Variants in TET2 observed in about 807,000 individuals in gnomAD.
The protein encoded by TET2 is methylcytosine dioxygenase TET2.
TET2 carries 299 observed loss-of-function variants against 142.9 expected under a neutral mutation model. The observed-to-expected ratio is 2.09, with a 90% CI of 1.90 to 2.30. The LOEUF is 2.30. TET2 is among the 30% of genes most tolerant of loss of function. TET2 has a pLI of 0.00. For synonymous variants in TET2, 819 were observed against 849.0 expected, an observed-to-expected ratio of 0.96 and a Z score of 0.61; for missense variants, 2,418 against 2,378.0, an observed-to-expected ratio of 1.02 and a Z score of -0.35.
intron 2 of TET2, among the ~76,000 whole-genome samples, chr4:105,219,468 C>T (rs1478613310): frequency 6.6e-6 from 1 of 152,036 alleles, no homozygotes. Flanking sequence ...CAGTACAGTA[C>T]ATAATTGCCA....
At chr4:105,252,344 A>G (rs1309066405) in intron 6 of TET2, among the ~76,000 whole-genome samples, 3 of 152,208 alleles carry the variant, frequency 2.0e-5, no homozygotes, top group Admixed American at 2.0e-4. Context: ...CCACCATGTC[A>G]TGATCGTTCA....
At chr4:105,221,876 C>A (rs865985848) in intron 2 of TET2, among the ~76,000 whole-genome samples, 10 of 150,884 alleles carry the variant, frequency 6.6e-5, no homozygotes, top group Admixed American at 2.6e-4. Context: ...CCCCCCACCC[C>A]ACAACAGTCC....
Position 105,236,358 on chromosome 4 carries a change from C to T in TET2, c.2416C>T (p.Leu806=), listed in dbSNP as rs1728908479. 1 of 1,613,966 alleles carries T rather than the reference C, an allele frequency of 6.2e-7. No homozygotes were observed. The highest frequency in any genetic ancestry group is 1.1e-5 in the South Asian group (1 of 91,086). Reference sequence around the variant, plus strand: ...CGAGACTCATAATGTCCAAATGGGACTGGAGGAAGTACAGAATATAAATCG... The same window carrying T: ...CGAGACTCATAATGTCCAAATGGGATTGGAGGAAGTACAGAATATAAATCG... ...EFETHNVQMG[L]EEVQNINRRN... The change falls in exon 3 of 11, where the codon CTG becomes TTG. Residue 806 remains leucine, a synonymous_variant. Transcript: ENST00000380013.
Position 105,236,244 on chromosome 4 carries a change from G to A in TET2, c.2302G>A (p.Asp768Asn), listed in dbSNP as rs1396808968. The A allele has an allele frequency of 1.2e-6, 2 of 1,613,950 alleles. No homozygotes were observed. The highest frequency in any genetic ancestry group is 1.3e-5 in the African/African-American group (1 of 74,914). The change falls in exon 3 of 11, where the codon GAT becomes AAT. Residue 768 changes from aspartate to asparagine, a missense_variant. By Grantham distance (23) the Asp-to-Asn change is conservative (BLOSUM62 1). Coordinates refer to ENST00000380013, the MANE Select transcript of TET2 (RefSeq NM_001127208.3). ...TTTTCCTCACCCCCAAAGCAACAATGATCAGCAAAGAGAAGGATCATTCTT... is the reference window on the plus strand; with the variant it reads ...TTTTCCTCACCCCCAAAGCAACAATAATCAGCAAAGAGAAGGATCATTCTT... ...QTFPHPQSNN[D>N]QQREGSFFGQ...
intron 1 of TET2, among the ~76,000 whole-genome samples, chr4:105,188,958 C>T (rs1021579437): frequency 7.2e-5 from 11 of 152,010 alleles, no homozygotes; most frequent in Admixed American, 5.9e-4. Context: ...GTGAGAGTGG[C>T]ATAATTTTTT....
intron 8 of TET2, 53 bp from the exon 9 acceptor site, chr4:105,269,557 G>T (rs891399426): frequency 6.5e-7 from 1 of 1,536,386 alleles, no homozygotes; most frequent in African/African-American, 1.4e-5. Context: ...TGAGTTTTCG[G>T]TGTAAGAGTA....
intron 1 of TET2, among the ~76,000 whole-genome samples, chr4:105,162,816 C>T (rs896376504): frequency 7.9e-5 from 12 of 152,108 alleles, no homozygotes; most frequent in Non-Finnish European, 1.5e-4. Flanking sequence ...TTGTATAGAA[C>T]TATTTTGCTT....
intron 1 of TET2, among the ~76,000 whole-genome samples, chr4:105,189,151 A>T (rs1725635925): frequency 6.6e-6 from 1 of 152,096 alleles, no homozygotes; most frequent in African/African-American, 2.4e-5. Context: ...AGAAAAAATT[A>T]AGAGACCTCC....
intron 2 of TET2, among the ~76,000 whole-genome samples, chr4:105,230,137 G>A (rs1039392709): frequency 2.6e-5 from 4 of 152,082 alleles, no homozygotes; most frequent in Admixed American, 1.3e-4. Flanking sequence ...CACCTCCTGG[G>A]TTCAGGTGAT....
intron 2 of TET2, among the ~76,000 whole-genome samples, chr4:105,191,668 T>A (rs929432457): frequency 1.3e-5 from 2 of 152,182 alleles, no homozygotes; most frequent in African/African-American, 4.8e-5. Context: ...ACTCTGCCAC[T>A]TGATACTTCT....
intron 2 of TET2, among the ~76,000 whole-genome samples, chr4:105,221,738 A>G (rs1359946141): frequency 1.3e-5 from 2 of 151,138 alleles, no homozygotes; most frequent in African/African-American, 4.9e-5. Flanking sequence ...TTATACTTTA[A>G]GTTTTAGGGT....
chr4:105,274,890 A>G (rs752468029), intron 10 of TET2, among the ~76,000 whole-genome samples, 158 bp from the exon 11 acceptor site: 4 of 152,320 alleles, frequency 2.6e-5, no homozygotes, highest in Non-Finnish European at 4.4e-5. Flanking sequence ...GTGCTGGACA[A>G]TGATCAGAAC....
Position 105,240,233 on chromosome 4 carries a change from C to T in TET2, c.3410-1106C>T, listed in dbSNP as rs572344178. ...ATGACACTGATAGACATACTTAACA[C>T]GTGGGATTGCCACAAACCTTCAGTT... On this transcript the variant is annotated intron_variant, in intron 3 of 10. Transcript: ENST00000380013. 1,761 of 489,002 alleles carry T rather than the reference C, an allele frequency of 3.6e-3. 6 individuals are homozygous for T. Among genetic ancestry groups the T allele is most frequent in the Non-Finnish European group, 3.9e-3 (1,345 of 343,714 alleles). The allele number at this position is 489,002 out of a possible 1,614,324, so 30.3% of individuals were successfully genotyped here.
intron 1 of TET2, among the ~76,000 whole-genome samples, chr4:105,168,098 CCT>C (rs1374435868): frequency 1.3e-5 from 2 of 152,100 alleles, no homozygotes; most frequent in African/African-American, 4.8e-5. Context: ...CATGGGTTTC[CCT>C]GTTTCTAGCT....
At position 105,243,760 on chromosome 4, in the gene TET2, G is replaced by C. The variant is rs1455459760; in HGVS notation, c.3785G>C (p.Arg1262Pro). 6.4e-7 allele frequency: 1 copy of C among 1,551,318 alleles called. No homozygotes were observed. Among genetic ancestry groups the C allele is most frequent in the Non-Finnish European group, 8.7e-7 (1 of 1,146,818 alleles). The change falls in exon 6 of 11, where the codon CGG becomes CCG. Residue 1262 changes from arginine to proline, a missense_variant. Transcript: ENST00000380013. ...LRKYGTLTNR[R>P]CALNEERTCA... ...AAATACGGCACGCTCACCAATCGCC[G>C]GTGTGCCTTGAATGAAGAGTAAGTG...
In TET2 at chr4:105,234,612, GA is replaced by G. The variant is rs1560541331; in HGVS notation, c.672del (p.Glu224AspfsTer26). 1 of 1,614,046 alleles carries G rather than the reference GA, an allele frequency of 6.2e-7. No individual in the cohort carries two copies. Among genetic ancestry groups the G allele is most frequent in the Non-Finnish European group, 8.5e-7 (1 of 1,179,994 alleles). ...SASSVEHTHG[E>X]LLEKTLSQYY... ...CTCTTCCGTGGAACACACACATGGTGAACTCCTGGAAAAAACACTGTCTCAA... is the reference window on the plus strand; with the variant it reads ...CTCTTCCGTGGAACACACACATGGTGACTCCTGGAAAAAACACTGTCTCAA... On this transcript the variant is annotated frameshift_variant, in exon 3 of 11. Coordinates refer to ENST00000380013, the MANE Select transcript of TET2 (RefSeq NM_001127208.3). LOFTEE classifies it high-confidence loss of function.
Position 105,235,385 on chromosome 4 carries a change from GAAT to G in TET2, c.1447_1449del (p.Asn483del). ...CTCCGATGCTTTCTGAAAGGCCTCA[GAAT>G]AATTGTGTGAACAGGAATGACATAC... On this transcript the variant is annotated inframe_deletion, in exon 3 of 11. Coordinates refer to ENST00000380013, the MANE Select transcript of TET2 (RefSeq NM_001127208.3). The G allele has an allele frequency of 6.2e-7, 1 of 1,614,186 alleles. No homozygotes were observed. The highest frequency in any genetic ancestry group is 1.1e-5 in the South Asian group (1 of 91,084).
Position 105,234,541 on chromosome 4 carries a change from T to C in TET2, c.599T>C (p.Leu200Pro). 2 of 1,614,128 alleles carry C rather than the reference T, an allele frequency of 1.2e-6. No individual in the cohort carries two copies. Among genetic ancestry groups the C allele is most frequent in the Non-Finnish European group, 1.7e-6 (2 of 1,180,010 alleles). ...ANYHDKNIVL[L>P]KNKAVLMPNG... ...TACCATGACAAGAACATTGTATTAC[T>C]TAAAAACAAGGCAGTGCTAATGCCT... Residue 200 changes from leucine to proline, a missense_variant, in exon 3 of 11, where the codon CTT becomes CCT. By Grantham distance (98) the Leu-to-Pro change is moderately conservative. Coordinates refer to ENST00000380013, the MANE Select transcript of TET2 (RefSeq NM_001127208.3).
At position 105,250,380 on chromosome 4, in the gene TET2, A is replaced by ATTTTTTTT. The variant is rs59695275; in HGVS notation, c.3803+6626_3803+6633dup. Among the ~76,000 whole-genome samples, 127 of 60,312 alleles carry ATTTTTTTT rather than the reference A, an allele frequency of 2.1e-3. 7 individuals carry two copies. Among genetic ancestry groups the ATTTTTTTT allele is most frequent in the Non-Finnish European group, 2.8e-3 (99 of 35,776 alleles). The allele number at this position is 60,312 out of a possible 152,430, so 39.6% of individuals were successfully genotyped here. A position where few individuals can be genotyped will look rare whatever the true frequency, so the allele number is the denominator to read the frequency against. ...ATCAGCTTCTCCGTTTCCTTTCTGGATTTTTTTTTTTTTTTTTTTTTTTTT... is the reference window on the plus strand; with the variant it reads ...ATCAGCTTCTCCGTTTCCTTTCTGGATTTTTTTTTTTTTTTTTTTTTTTTTTTTTTTTT... On this transcript the variant is annotated intron_variant, in intron 6 of 10. Coordinates refer to ENST00000380013, the MANE Select transcript of TET2 (RefSeq NM_001127208.3).
Sources: allele counts gnomAD v4.1 joint callset (sites outside exome capture counted in the v4.1 genomes callset), GRCh38; gene constraint gnomAD v4.1.1; transcripts MANE v1.5; gene names NCBI Gene and HGNC (gene_info 2026-07-23, HGNC 2026-07-21).